The following DLGAP2 variants were observed in gnomAD, a reference collection of about 807,000 sequenced individuals.
The protein encoded by DLGAP2 is DLG associated protein 2.
In DLGAP2, 26 loss-of-function variants were observed where a neutral mutation model predicts 100.3. That is an observed-to-expected ratio of 0.26 (90% CI 0.19 to 0.36). DLGAP2 has a LOEUF of 0.36. Among genes scored for constraint, DLGAP2 ranks in the 10% least tolerant of loss-of-function variants. The probability of loss-of-function intolerance (pLI) is 1.00; values close to 1 mark genes in which losing one functional copy is unlikely to be tolerated. For missense variants in DLGAP2, 1,858 were observed against 1,453.2 expected, an observed-to-expected ratio of 1.28 and a Z score of -4.53; for synonymous variants, 886 against 630.1, an observed-to-expected ratio of 1.41 and a Z score of -6.08.
At chr8:1,433,192 T>C (rs932614575) in intron 3 of DLGAP2, among the ~76,000 whole-genome samples, 1 of 152,216 alleles carries the variant, frequency 6.6e-6, no homozygotes, top group African/African-American at 2.4e-5. Context: ...TTGGGTTCCA[T>C]GAACTCTTGA....
chr8:1,531,509 A>G (rs962163841), intron 4 of DLGAP2, among the ~76,000 whole-genome samples: 10 of 152,112 alleles, frequency 6.6e-5, no homozygotes, highest in African/African-American at 2.4e-4. Flanking sequence ...TTTCATACTG[A>G]TAATTTTTTG....
intron 3 of DLGAP2, among the ~76,000 whole-genome samples, chr8:1,344,327 C>G (rs1456732466): frequency 3.3e-5 from 5 of 152,196 alleles, no homozygotes; most frequent in Non-Finnish European, 7.3e-5. Flanking sequence ...CTTCAGGGTG[C>G]CACCTGCATT....
intron 2 of DLGAP2, among the ~76,000 whole-genome samples, chr8:1,237,613 A>T: frequency 6.9e-6 from 1 of 144,270 alleles, no homozygotes; most frequent in South Asian, 2.3e-4. Context: ...CGCCGTGTCT[A>T]GTTACGTCTC....
chr8:756,662 G>C (rs1820928696), intron 1 of DLGAP2, among the ~76,000 whole-genome samples: 1 of 152,110 alleles, frequency 6.6e-6, no homozygotes, highest in Admixed American at 6.5e-5. Flanking sequence ...TCAGGCCTCA[G>C]CTTTCATAGA....
chr8:977,670 T>G (rs1800201563), intron 2 of DLGAP2, among the ~76,000 whole-genome samples: 1 of 152,226 alleles, frequency 6.6e-6, no homozygotes, highest in Non-Finnish European at 1.5e-5. Flanking sequence ...TAGAACATTT[T>G]CCCTGTTATA....
intron 1 of DLGAP2, among the ~76,000 whole-genome samples, chr8:758,736 A>G (rs1484301987): frequency 2.0e-5 from 3 of 151,816 alleles, no homozygotes; most frequent in Non-Finnish European, 4.4e-5. Context: ...TAATTTTTGT[A>G]TTTTTTGTAG....
intron 2 of DLGAP2, among the ~76,000 whole-genome samples, chr8:1,160,402 G>T (rs1796867201): frequency 2.0e-5 from 3 of 152,180 alleles, no homozygotes; most frequent in Admixed American, 2.0e-4. Context: ...GGTTTTCTGG[G>T]ATGTGGGCGC....
At chr8:1,390,566 G>A (rs962519857) in intron 3 of DLGAP2, among the ~76,000 whole-genome samples, 7 of 152,142 alleles carry the variant, frequency 4.6e-5, no homozygotes, top group Middle Eastern at 6.8e-3. Context: ...GTATGCTTGC[G>A]GGCCTCTGGT....
At position 1,288,433 on chromosome 8, in the gene DLGAP2, G is replaced by GTA. The variant is rs1407554511; in HGVS notation, c.106+29551_106+29552insAT. On this transcript the variant is annotated intron_variant, in intron 3 of 14. Coordinates refer to ENST00000637795, the MANE Select transcript of DLGAP2 (RefSeq NM_001346810.2). ...GGAGGGGAACTTGTTTTGGTTCAGT[G>GTA]TGTGTGTGTGTGTGTGTGGTTCTGT... Among the ~76,000 whole-genome samples, 1,205 of 144,226 alleles carry GTA rather than the reference G, an allele frequency of 8.4e-3. 27 individuals carry two copies. The highest frequency in any genetic ancestry group is 0.029 in the African/African-American group (1,099 of 38,314). 94.6% of individuals were successfully genotyped at this position (144,226 alleles called of 152,430 possible).
At chr8:1,331,077 G>T (rs924624214) in intron 3 of DLGAP2, among the ~76,000 whole-genome samples, 1 of 152,198 alleles carries the variant, frequency 6.6e-6, no homozygotes, top group African/African-American at 2.4e-5. Flanking sequence ...AGGACGGGCT[G>T]CTCCTAGCTG....
At chr8:881,682 CT>C (rs561123444) in intron 1 of DLGAP2, among the ~76,000 whole-genome samples, 942 of 51,588 alleles carry the variant, frequency 0.018, 17 homozygotes, top group African/African-American at 0.043. Context: ...CACACACACA[CT>C]TTTTTTTTTT....
At chr8:1,409,315 C>A (rs554219240) in intron 3 of DLGAP2, among the ~76,000 whole-genome samples, 2 of 151,982 alleles carry the variant, frequency 1.3e-5, no homozygotes, top group Non-Finnish European at 2.9e-5. Flanking sequence ...GTTCCTTCCT[C>A]ACCATAGCAG....
chr8:1,448,392 T>C (rs1381487907), intron 3 of DLGAP2, among the ~76,000 whole-genome samples: 2 of 152,110 alleles, frequency 1.3e-5, no homozygotes, highest in African/African-American at 4.8e-5. Context: ...TGTAGTTGAG[T>C]GGTTTTGAGT....
At chr8:1,344,017 T>C (rs1256119284) in intron 3 of DLGAP2, among the ~76,000 whole-genome samples, 5 of 151,826 alleles carry the variant, frequency 3.3e-5, no homozygotes. Flanking sequence ...TTCACAGATG[T>C]TTCCGGTTCA....
intron 6 of DLGAP2, among the ~76,000 whole-genome samples, chr8:1,617,174 AAT>A (rs1797182919): frequency 6.6e-6 from 1 of 152,178 alleles, no homozygotes; most frequent in Non-Finnish European, 1.5e-5. Flanking sequence ...TGCTATAGTG[AAT>A]AGTGCTGCAA....
At chr8:1,474,403 G>A (rs1340700600) in intron 3 of DLGAP2, among the ~76,000 whole-genome samples, 1 of 152,128 alleles carries the variant, frequency 6.6e-6, no homozygotes, top group Non-Finnish European at 1.5e-5. Context: ...TCAGGAGTGG[G>A]GTTGCTGGGT....
At chr8:1,159,970 C>A (rs188023805) in intron 2 of DLGAP2, among the ~76,000 whole-genome samples, 208 of 152,278 alleles carry the variant, frequency 1.4e-3, no homozygotes, top group South Asian at 2.5e-3. Context: ...CCTGAAAGGT[C>A]TTGGCGTTGT....
chr8:1,454,401 G>C (rs907981097), intron 3 of DLGAP2, among the ~76,000 whole-genome samples: 3 of 151,578 alleles, frequency 2.0e-5, no homozygotes, highest in African/African-American at 4.9e-5. Flanking sequence ...CCGTCCCTGC[G>C]TGAGTTTGAG....
intron 1 of DLGAP2, among the ~76,000 whole-genome samples, chr8:830,358 A>G (rs1796758754): frequency 6.6e-6 from 1 of 152,170 alleles, no homozygotes; most frequent in Non-Finnish European, 1.5e-5. Context: ...TTATTAAACT[A>G]TAGTCACTCC....
Sources: allele counts gnomAD v4.1 joint callset (sites outside exome capture counted in the v4.1 genomes callset), GRCh38; gene constraint gnomAD v4.1.1; transcripts MANE v1.5; gene names NCBI Gene and HGNC (gene_info 2026-07-23, HGNC 2026-07-21).